RASGRP3: variants seen among roughly 807,000 people sequenced by gnomAD.
The protein encoded by RASGRP3 is RAS guanyl releasing protein 3, also known as ras guanyl-releasing protein 3.
A neutral mutation model predicts 82.7 loss-of-function variants in RASGRP3; 54 were observed. The observed-to-expected ratio is 0.65, with a 90% CI of 0.52 to 0.82. The LOEUF (loss-of-function observed/expected upper bound fraction) is 0.82. RASGRP3 is among the 40% of genes least tolerant of loss of function. RASGRP3 has a pLI of 0.00. For synonymous variants in RASGRP3, 309 were observed against 300.5 expected, an observed-to-expected ratio of 1.03 and a Z score of -0.29; for missense variants, 861 against 828.9, an observed-to-expected ratio of 1.04 and a Z score of -0.48.
At chr2:33,487,852 C>T (rs142416907) in intron 1 of RASGRP3, among the ~76,000 whole-genome samples, 9 of 152,304 alleles carry the variant, frequency 5.9e-5, no homozygotes, top group South Asian at 4.1e-4. Context: ...GTAATTCTAG[C>T]GCTTTGAGAG....
intron 10 of RASGRP3, chr2:33,533,719 C>T (rs941734762): frequency 6.5e-6 from 1 of 152,878 alleles, no homozygotes; most frequent in Admixed American, 6.5e-5. Flanking sequence ...TGCTGCCTCC[C>T]TGATTTCTGA....
chr2:33,496,297 A>G (rs1669306892), intron 1 of RASGRP3, among the ~76,000 whole-genome samples: 1 of 152,246 alleles, frequency 6.6e-6, no homozygotes, highest in Non-Finnish European at 1.5e-5. Flanking sequence ...TGTGGACAGG[A>G]ACTCTGCTCT....
rs1473086940 is a variant in RASGRP3, at chr2:33,515,056, C to G, written c.-81C>G. ...AGGACAGGTCACCACTAGGCACTAA[C>G]ATCGCTGACTTGCATGATTATGGAG... On this transcript the variant is annotated 5_prime_UTR_variant, in exon 3 of 18. Coordinates refer to ENST00000403687, the MANE Select transcript of RASGRP3 (RefSeq NM_001139488.2). 1.5e-6 allele frequency: 2 copies of G among 1,341,454 alleles called. No homozygotes were observed. The highest frequency in any genetic ancestry group is 2.9e-5 in the African/African-American group (2 of 69,412). The allele number at this position is 1,341,454 out of a possible 1,614,324, so 83.1% of individuals were successfully genotyped here.
At chr2:33,521,266 C>T (rs17013215) in intron 6 of RASGRP3, among the ~76,000 whole-genome samples, 46,499 of 152,032 alleles carry the variant, frequency 0.31, 9,673 homozygotes, top group African/African-American at 0.59. Flanking sequence ...ATTAGGTAAC[C>T]GGTGCAATTA....
intron 2 of RASGRP3, among the ~76,000 whole-genome samples, chr2:33,512,156 C>CAGAT (rs1670984516): frequency 6.6e-6 from 1 of 152,182 alleles, no homozygotes; most frequent in Non-Finnish European, 1.5e-5. Context: ...ATTGCAGAAA[C>CAGAT]AGATTGTAAC....
At chr2:33,532,168 G>C (rs78897674) in intron 10 of RASGRP3, 1 of 152,134 alleles carries the variant, frequency 6.6e-6, no homozygotes, top group Non-Finnish European at 1.5e-5. Flanking sequence ...ATTTTATTTG[G>C]CCCATACGGA....
intron 1 of RASGRP3, among the ~76,000 whole-genome samples, chr2:33,500,693 T>C (rs1232422679): frequency 6.6e-6 from 1 of 152,136 alleles, no homozygotes; most frequent in Non-Finnish European, 1.5e-5. Flanking sequence ...CCCAGCACTT[T>C]GGGAGGCCGA....
intron 11 of RASGRP3, among the ~76,000 whole-genome samples, chr2:33,538,027 A>G (rs1390314208): frequency 6.6e-6 from 1 of 152,192 alleles, no homozygotes; most frequent in Admixed American, 6.5e-5. Context: ...ACTGGTACCC[A>G]TTTGCTGCAT....
At position 33,523,901 on chromosome 2, in the gene RASGRP3, T is replaced by C. The variant is rs1672274310; in HGVS notation, c.539T>C (p.Val180Ala). 1 of 1,613,024 alleles carries C rather than the reference T, an allele frequency of 6.2e-7. No individual in the cohort carries two copies. Among genetic ancestry groups the C allele is most frequent in the African/African-American group, 1.3e-5 (1 of 74,930 alleles). Reference sequence around the variant, plus strand: ...TAGTTCACTGATTACCAAAGCTATGTCATCCATGGCTGCCTGGAGAATAAT... The same window carrying C: ...TAGTTCACTGATTACCAAAGCTATGCCATCCATGGCTGCCTGGAGAATAAT... ...RISFTDYQSY[V>A]IHGCLENNPT... The change falls in exon 8 of 18, where the codon GTC becomes GCC. Residue 180 changes from valine (V) to alanine (A), a missense_variant. Val to Ala is a moderately conservative substitution (Grantham distance 64, BLOSUM62 0). Coordinates refer to ENST00000403687, the MANE Select transcript of RASGRP3 (RefSeq NM_001139488.2).
Position 33,440,323 on chromosome 2 carries a change from T to G in RASGRP3, c.-385+3732T>G, listed in dbSNP as rs115841183. Among the ~76,000 whole-genome samples the G allele has an allele frequency of 2.6e-3, 391 of 152,340 alleles. 2 individuals are homozygous for G. The highest frequency in any genetic ancestry group is 9.0e-3 in the African/African-American group (374 of 41,594). Reference sequence around the variant, plus strand: ...GCAACCATCTATCGGCAGGTTCCATTGCCAGCCACATTTTGTAGTTGAGAA... The same window carrying G: ...GCAACCATCTATCGGCAGGTTCCATGGCCAGCCACATTTTGTAGTTGAGAA... On this transcript the variant is annotated intron_variant, in intron 1 of 18. Coordinates refer to the RASGRP3 transcript ENST00000402538.
At chr2:33,557,770 C>T (rs894963440) in intron 15 of RASGRP3, among the ~76,000 whole-genome samples, 2 of 151,530 alleles carry the variant, frequency 1.3e-5, no homozygotes, top group Non-Finnish European at 2.9e-5. Context: ...AGTAAATGAT[C>T]AGAGGCAGTT....
chr2:33,540,552 TGTTTTGTGTGTGTGTGTGTGTG>T (rs1674160878), intron 12 of RASGRP3, among the ~76,000 whole-genome samples: 1 of 30,326 alleles, frequency 3.3e-5, no homozygotes, highest in African/African-American at 1.7e-4. Context: ...TCTGTGTGTG[TGTTTTGTGTGTGTGTGTGTGTG>T]TGTGTGTGTG....
rs527277445 is a variant in RASGRP3 at position 33,481,829 on chromosome 2, G to C, written c.-261+5122G>C. ...AGCGATTCTCTTGCCTCAGCCTCCT[G>C]AGTAGCTGGGACTACAGGCGTGCAC... On this transcript the variant is annotated intron_variant, in intron 1 of 17. Coordinates refer to ENST00000403687, the MANE Select transcript of RASGRP3 (RefSeq NM_001139488.2). The C allele has an allele frequency of 3.3e-5, 5 of 152,156 alleles. No individual in the cohort carries two copies. In the East Asian group the frequency reaches 9.7e-4, roughly 30 times the overall value. 9.4% of individuals were successfully genotyped at this position (152,156 alleles called of 1,614,324 possible). A position where few individuals can be genotyped will look rare whatever the true frequency, so the allele number is the denominator to read the frequency against.
At chr2:33,461,315 G>C (rs1666349411) in intron 2 of RASGRP3, among the ~76,000 whole-genome samples, 1 of 152,210 alleles carries the variant, frequency 6.6e-6, no homozygotes, top group Admixed American at 6.5e-5. Context: ...GTCTTTCTCT[G>C]TCACCTAGGC....
Position 33,562,808 on chromosome 2 carries a change from A to C in RASGRP3, c.*71A>C. 6.4e-7 allele frequency: 1 copy of C among 1,558,166 alleles called. No homozygotes were observed. The highest frequency in any genetic ancestry group is 1.4e-5 in the African/African-American group (1 of 73,772). On this transcript the variant is annotated 3_prime_UTR_variant, in exon 18 of 18. Transcript: ENST00000403687. The stretch of plus-strand genomic sequence containing the variant: ...GGGCAAGACGAGAAACTCTGAAGAA[A>C]GCTCTGACTCTCAGGAAGTTATCTG...
rs562332728 is a variant in RASGRP3 at position 33,502,606 on chromosome 2, G to A, written c.-260-9104G>A. Among the ~76,000 whole-genome samples the A allele has an allele frequency of 1.4e-3, 208 of 149,976 alleles. 2 individuals carry two copies. Among genetic ancestry groups the A allele is most frequent in the African/African-American group, 5.0e-3 (203 of 40,808 alleles). On this transcript the variant is annotated intron_variant, in intron 1 of 17. Transcript: ENST00000403687. ...CTGCTCACTACAACCTCCGCCTCCC[G>A]GGTTCAAGGGATTCTCCTGCCTCAG... is the stretch of plus-strand genomic sequence containing the variant.
chr2:33,473,877 C>T (rs7576999), upstream of RASGRP3, among the ~76,000 whole-genome samples: 53,940 of 151,932 alleles, frequency 0.36, 9,976 homozygotes, highest in South Asian at 0.42. Flanking sequence ...TTCCATGGAC[C>T]GGGAATGAGG....
chr2:33,510,090 A>T (rs1476067948), intron 1 of RASGRP3, among the ~76,000 whole-genome samples: 1 of 152,258 alleles, frequency 6.6e-6, no homozygotes, highest in East Asian at 1.9e-4. Flanking sequence ...ATGAAGGATT[A>T]GTCATTTAGA....
At chr2:33,528,677 C>T (rs1672808084) in intron 10 of RASGRP3, among the ~76,000 whole-genome samples, 1 of 152,330 alleles carries the variant, frequency 6.6e-6, no homozygotes, top group South Asian at 2.1e-4. Flanking sequence ...TTCTCACAAA[C>T]TGTTCCTAGA....
Sources: gnomAD v4.1 joint callset for allele counts (sites outside exome capture counted in the v4.1 genomes callset) on GRCh38, gnomAD v4.1.1 for gene constraint, MANE v1.5 for transcripts, NCBI Gene and HGNC (gene_info 2026-07-23, HGNC 2026-07-21) for gene names.